SORCS3: variants seen among roughly 807,000 people sequenced by gnomAD.
SORCS3 encodes sortilin related VPS10 domain containing receptor 3.
In SORCS3, 57 loss-of-function variants were observed where a neutral mutation model predicts 146.3. That is an observed-to-expected ratio of 0.39 (90% CI 0.31 to 0.49). SORCS3 has a LOEUF of 0.49. SORCS3 is among the 20% of genes least tolerant of loss of function. The pLI, the probability that SORCS3 is intolerant of heterozygous loss-of-function variation, is 0.92. For synonymous variants in SORCS3, 653 were observed against 618.5 expected, an observed-to-expected ratio of 1.06 and a Z score of -0.83; for missense variants, 1,341 against 1,575.5, an observed-to-expected ratio of 0.85 and a Z score of 2.52.
chr10:105,163,883 T>TACGCACACACACACAC (rs2056289023), intron 11 of SORCS3, among the ~76,000 whole-genome samples: 1 of 138,598 alleles, frequency 7.2e-6, no homozygotes, highest in Non-Finnish European at 1.6e-5. Context: ...GTTACGCACA[T>TACGCACACACACACAC]ACACACACAC....
At chr10:105,075,486 G>T in intron 5 of SORCS3, among the ~76,000 whole-genome samples, 1 of 152,284 alleles carries the variant, frequency 6.6e-6, no homozygotes, top group East Asian at 1.9e-4. Flanking sequence ...CTGCTTAGGG[G>T]TAGGTGCAGG....
intron 1 of SORCS3, among the ~76,000 whole-genome samples, chr10:104,650,347 T>C (rs1443006658): frequency 6.6e-6 from 1 of 152,132 alleles, no homozygotes; most frequent in Non-Finnish European, 1.5e-5. Flanking sequence ...CAGGAATTGT[T>C]CCGAAGGAGG....
intron 5 of SORCS3, among the ~76,000 whole-genome samples, chr10:105,050,030 T>C (rs1042486416): frequency 7.3e-6 from 1 of 137,356 alleles, no homozygotes; most frequent in African/African-American, 3.0e-5. Context: ...TGTGTATATA[T>C]ATACATACAC....
chr10:105,263,487 C>T lies in SORCS3; in HGVS notation c.*113C>T. On this transcript the variant is annotated 3_prime_UTR_variant, in exon 27 of 27. Transcript: ENST00000369701. ...TTTTTTACCTTTTGTTTACCAAGGGCCCCTTCATAAATAGCAGGCAAATGC... is the reference window on the plus strand; with the variant it reads ...TTTTTTACCTTTTGTTTACCAAGGGTCCCTTCATAAATAGCAGGCAAATGC... 1.9e-6 allele frequency: 2 copies of T among 1,047,258 alleles called. No individual in the cohort carries two copies. The highest frequency in any genetic ancestry group is 2.8e-6 in the Non-Finnish European group (2 of 710,088). The allele number at this position is 1,047,258 out of a possible 1,614,324, so 64.9% of individuals were successfully genotyped here.
intron 4 of SORCS3, among the ~76,000 whole-genome samples, chr10:104,989,787 G>A (rs1185883665): frequency 6.6e-6 from 1 of 152,148 alleles, no homozygotes; most frequent in South Asian, 2.1e-4. Flanking sequence ...GAGGCACAAT[G>A]GGCTGTAATA....
At chr10:105,151,107 TTG>T (rs372638364) in intron 9 of SORCS3, among the ~76,000 whole-genome samples, 4 of 152,210 alleles carry the variant, frequency 2.6e-5, no homozygotes, top group African/African-American at 9.6e-5. Flanking sequence ...ACAGTCTAAC[TTG>T]TATTAGAGGT....
At chr10:104,796,859 T>C (rs1589502738) in intron 1 of SORCS3, among the ~76,000 whole-genome samples, 1 of 152,198 alleles carries the variant, frequency 6.6e-6, no homozygotes, top group Non-Finnish European at 1.5e-5. Context: ...AAATTATTAG[T>C]TTTTTGCACA....
intron 1 of SORCS3, among the ~76,000 whole-genome samples, chr10:104,660,678 G>A (rs567727437): frequency 2.6e-5 from 4 of 152,300 alleles, no homozygotes; most frequent in East Asian, 1.9e-4. Flanking sequence ...AATGAGTTGG[G>A]GATGGTTTGG....
intron 1 of SORCS3, among the ~76,000 whole-genome samples, chr10:104,748,384 G>A (rs2016940635): frequency 6.6e-6 from 1 of 152,184 alleles, no homozygotes; most frequent in African/African-American, 2.4e-5. Flanking sequence ...ATTATTATCA[G>A]TATATCAGTT....
intron 1 of SORCS3, among the ~76,000 whole-genome samples, chr10:104,814,273 A>T (rs2017772259): frequency 1.3e-5 from 2 of 151,962 alleles, no homozygotes; most frequent in Non-Finnish European, 2.9e-5. Flanking sequence ...AGCCTTTTCT[A>T]TATTCTTTCC....
rs1161404241 is a variant in SORCS3 at position 104,921,501 on chromosome 10, CTCTG to C, written c.795+5571_795+5574del. ...GAGGTACATGTCTCTCTCTCTCTCT[CTCTG>C]TGTGTGTGTGTGTGTGTGTGTGTGT... On this transcript the variant is annotated intron_variant, in intron 3 of 26. Transcript: ENST00000369701. Among the ~76,000 whole-genome samples the C allele has an allele frequency of 2.3e-5, 3 of 130,108 alleles. No individual in the cohort carries two copies. In the East Asian group the frequency reaches 5.9e-4, roughly 26 times the overall value. The allele number at this position is 130,108 out of a possible 152,430, so 85.4% of individuals were successfully genotyped here.
chr10:105,200,309 C>G (rs1318337788), intron 15 of SORCS3, among the ~76,000 whole-genome samples, 193 bp downstream of exon 15: 2 of 152,118 alleles, frequency 1.3e-5, no homozygotes, highest in Non-Finnish European at 2.9e-5. Context: ...GGAACTATCT[C>G]GCACCCTGGG....
intron 1 of SORCS3, among the ~76,000 whole-genome samples, chr10:104,668,520 T>C (rs532812898): frequency 6.8e-4 from 103 of 152,314 alleles, no homozygotes; most frequent in Non-Finnish European, 1.0e-3. Context: ...ATATACAAAA[T>C]AGGCATGAAT....
chr10:104,698,663 A>T (rs1326051977), intron 1 of SORCS3, among the ~76,000 whole-genome samples: 1 of 152,156 alleles, frequency 6.6e-6, no homozygotes, highest in African/African-American at 2.4e-5. Context: ...TATTGAACAA[A>T]TGGCTATCCT....
chr10:105,230,567 C>T (rs1452249517), intron 20 of SORCS3, among the ~76,000 whole-genome samples: 1 of 152,212 alleles, frequency 6.6e-6, no homozygotes, highest in Admixed American at 6.5e-5. Flanking sequence ...CTTCACTAAC[C>T]TCCCAGCCCA....
At chr10:104,644,353 G>A (rs977221297) in intron 1 of SORCS3, among the ~76,000 whole-genome samples, 2 of 152,180 alleles carry the variant, frequency 1.3e-5, no homozygotes, top group Non-Finnish European at 2.9e-5. Flanking sequence ...TAGGCAATAC[G>A]AGAGAGAGAT....
intron 2 of SORCS3, among the ~76,000 whole-genome samples, chr10:104,855,626 C>A (rs888986730): frequency 6.6e-6 from 1 of 152,084 alleles, no homozygotes; most frequent in Non-Finnish European, 1.5e-5. Context: ...ATATTTATTG[C>A]AACTGACCAG....
At chr10:105,140,680 C>T (rs1399787107) in intron 8 of SORCS3, among the ~76,000 whole-genome samples, 1 of 152,064 alleles carries the variant, frequency 6.6e-6, no homozygotes, top group African/African-American at 2.4e-5. Context: ...TGCATAGGCT[C>T]GATTTTAAGA....
Position 104,909,920 on chromosome 10 carries a change from C to T in SORCS3, c.696-5913C>T, listed in dbSNP as rs554987226. 2.6e-5 allele frequency among the ~76,000 whole-genome samples: 4 copies of T among 151,958 alleles called. No homozygotes were observed. The South Asian group carries it at 8.4e-4, about 32-fold the overall frequency. ...CGATAACTCACACCTCCACTCCTGACTGAAATTGTCAGTGGGAAAGTGGCC... is the reference window on the plus strand; with the variant it reads ...CGATAACTCACACCTCCACTCCTGATTGAAATTGTCAGTGGGAAAGTGGCC... On this transcript the variant is annotated intron_variant, in intron 2 of 26. Transcript: ENST00000369701.
Sources: allele counts gnomAD v4.1 joint callset (sites outside exome capture counted in the v4.1 genomes callset), GRCh38; gene constraint gnomAD v4.1.1; transcripts MANE v1.5; gene names NCBI Gene and HGNC (gene_info 2026-07-23, HGNC 2026-07-21).